The following BBS1 variants were observed in gnomAD, a reference collection of about 807,000 sequenced individuals.
BBS1 encodes the protein BBSome complex member BBS1.
Under a neutral mutation model 73.9 loss-of-function variants are expected in BBS1, and 60 were observed. The observed-to-expected ratio is 0.81, with a 90% CI of 0.66 to 1.01. The LOEUF is 1.01. Ranked by LOEUF, BBS1 falls within the 50% of genes least tolerant of loss-of-function variation. BBS1 has a pLI of 0.00. For missense variants in BBS1, 718 were observed against 770.3 expected (o/e 0.93, Z 0.80); for synonymous variants, 283 against 317.4 (o/e 0.89, Z 1.15).
At chr11:66,525,681 G>C (rs1182229326) in intron 11 of BBS1, among the ~76,000 whole-genome samples, 20 of 152,228 alleles carry the variant, frequency 1.3e-4, no homozygotes, top group Admixed American at 1.3e-3. Flanking sequence ...CCGGTGGTAT[G>C]CTCGTTGAAA....
intron 9 of BBS1, 124 bp from the exon 10 acceptor site, chr11:66,523,332 G>A: frequency 7.4e-7 from 1 of 1,357,866 alleles, no homozygotes; most frequent in Non-Finnish European, 1.1e-6. Context: ...AATAATCCCA[G>A]GGTCATCTGC....
At chr11:66,522,993 G>C (rs778722936) in intron 9 of BBS1, 74 of 373,044 alleles carry the variant, frequency 2.0e-4, no homozygotes, top group Non-Finnish European at 3.3e-4. Context: ...TCCTCGAATA[G>C]AGAGGAACTA....
At position 66,511,061 on chromosome 11, in the gene BBS1, C is replaced by CA; in HGVS notation, c.98dup (p.Asn33LysfsTer66). On this transcript the variant is annotated frameshift_variant, in exon 2 of 17. Coordinates refer to ENST00000318312, the MANE Select transcript of BBS1 (RefSeq NM_024649.5). LOFTEE classifies it high-confidence loss of function. ...TGGATGCGCACTACGACCCAATGGC[C>CA]AATATCCACACCTTTTCTGCCTGCC... 6.2e-7 allele frequency: 1 copy of CA among 1,614,144 alleles called. No individual in the cohort carries two copies. The highest frequency in any genetic ancestry group is 8.5e-7 in the Non-Finnish European group (1 of 1,180,034).
At chr11:66,515,508 A>G in intron 4 of BBS1, 32 bp from the exon 5 acceptor site, 1 of 1,613,420 alleles carries the variant, frequency 6.2e-7, no homozygotes, top group East Asian at 2.2e-5. Flanking sequence ...GCCTGGCTTG[A>G]GCTCACAGGC....
chr11:66,523,876 C>A lies in BBS1; in HGVS notation c.1104C>A (p.His368Gln). The change falls in exon 11 of 17, where the codon CAC (histidine) becomes CAA (glutamine). Residue 368 changes from histidine to glutamine, a missense_variant. Transcript: ENST00000318312. Reference protein sequence around the residue: ...YRDKALLNVIHTPDAVTSLCF... With the variant: ...YRDKALLNVIQTPDAVTSLCF... ...ACAAGGCCCTGCTCAATGTCATCCACACCCCGGTGAGCCCCATCTCCGGCA... is the reference window on the plus strand; with the variant it reads ...ACAAGGCCCTGCTCAATGTCATCCAAACCCCGGTGAGCCCCATCTCCGGCA... 6.2e-7 allele frequency: 1 copy of A among 1,613,190 alleles called. No individual in the cohort carries two copies. The highest frequency in any genetic ancestry group is 2.2e-5 in the East Asian group (1 of 44,892).
intron 3 of BBS1, among the ~76,000 whole-genome samples, chr11:66,512,072 A>ATGTG (rs1565280801): frequency 2.9e-4 from 43 of 146,798 alleles, no homozygotes; most frequent in South Asian, 1.3e-3. Context: ...ATGTATATAT[A>ATGTG]TATACATATA....
intron 1 of BBS1, 46 bp from the exon 2 acceptor site, chr11:66,510,967 C>G: frequency 2.5e-6 from 4 of 1,600,310 alleles, no homozygotes; most frequent in Non-Finnish European, 3.4e-6. Context: ...TTTTTTTTTC[C>G]CCTCCCATGG....
chr11:66,521,370 T>C lies in BBS1; in HGVS notation c.824T>C (p.Leu275Pro). The stretch of plus-strand genomic sequence containing the variant: ...TGCCGCAATGGAAACATCTATATTC[T>C]GAGAAGGTAGCCACATCCGTGGTCT... ...AACRNGNIYI[L>P]RRDSKHPKYC... Residue 275 changes from leucine to proline, a missense_variant, in exon 9 of 17, where the codon CTG becomes CCG. Leu to Pro is a moderately conservative substitution (Grantham distance 98). Transcript: ENST00000318312. 6.2e-7 allele frequency: 1 copy of C among 1,613,930 alleles called. No homozygotes were observed. The highest frequency in any genetic ancestry group is 8.5e-7 in the Non-Finnish European group (1 of 1,179,806).
intron 11 of BBS1, among the ~76,000 whole-genome samples, chr11:66,524,711 A>G (rs887522318): frequency 6.6e-6 from 1 of 152,222 alleles, no homozygotes; most frequent in Non-Finnish European, 1.5e-5. Flanking sequence ...TGAATCATTA[A>G]ATCAGTTTAG....
chr11:66,527,892 G>T (rs1191208221), intron 13 of BBS1, among the ~76,000 whole-genome samples: 1 of 152,052 alleles, frequency 6.6e-6, no homozygotes, highest in African/African-American at 2.4e-5. Flanking sequence ...CCCAGACAGG[G>T]CAGGGCAGGG....
Position 66,524,065 on chromosome 11 carries a change from A to G in BBS1, c.1110+183A>G, listed in dbSNP as rs552942256. On this transcript the variant is annotated intron_variant, in intron 11 of 16. Transcript: ENST00000318312. ...GAGGCCAAGGTGGGCAGATCACCTGAGGTAAGGAGTTCAAAACCAGCCTAG... is the reference window on the plus strand; with the variant it reads ...GAGGCCAAGGTGGGCAGATCACCTGGGGTAAGGAGTTCAAAACCAGCCTAG... The G allele has an allele frequency of 1.8e-4, 152 of 846,618 alleles. 3 individuals carry two copies. The South Asian group carries it at 2.1e-3, about 12-fold the overall frequency. 52.4% of individuals were successfully genotyped at this position (846,618 alleles called of 1,614,324 possible).
chr11:66,526,956 C>T, intron 13 of BBS1, 149 bp downstream of exon 13: 1 of 1,570,922 alleles, frequency 6.4e-7, no homozygotes. Flanking sequence ...CCAGGGACAG[C>T]CTAGGAGGTA....
chr11:66,511,660 A>G (rs1441800612), intron 3 of BBS1, among the ~76,000 whole-genome samples: 1 of 152,168 alleles, frequency 6.6e-6, no homozygotes, highest in Admixed American at 6.6e-5. Flanking sequence ...GGGACTCATT[A>G]TATGAGTCTC....
At chr11:66,530,808 A>G (rs577998449) in intron 14 of BBS1, 86 bp from the exon 15 acceptor site, 132 of 1,573,100 alleles carry the variant, frequency 8.4e-5, no homozygotes, top group Admixed American at 3.2e-4. Context: ...ACATGAGGGC[A>G]TTGGTGGAAG....
intron 15 of BBS1, 133 bp downstream of exon 15, chr11:66,531,161 C>T: frequency 1.6e-6 from 2 of 1,272,414 alleles, no homozygotes; most frequent in East Asian, 2.5e-5. Context: ...GACCTACTCT[C>T]CCACCACAGA....
intron 11 of BBS1, 44 bp from the exon 12 acceptor site, chr11:66,526,079 T>C (rs1856475635): frequency 1.3e-6 from 2 of 1,597,786 alleles, no homozygotes; most frequent in Admixed American, 3.3e-5. Flanking sequence ...CTTGCTTTCC[T>C]CTCCAAGATA....
At chr11:66,530,748 C>T (rs575606884) in intron 14 of BBS1, 146 bp from the exon 15 acceptor site, 1 of 1,209,432 alleles carries the variant, frequency 8.3e-7, no homozygotes, top group African/African-American at 1.5e-5. Context: ...TCCCTCTGCC[C>T]CTTCTGGTCT....
At chr11:66,515,451 C>G in intron 4 of BBS1, 89 bp from the exon 5 acceptor site, 1 of 1,410,530 alleles carries the variant, frequency 7.1e-7, no homozygotes, top group South Asian at 1.2e-5. Flanking sequence ...CCAAGAGGTA[C>G]CCCTAGAAGT....
intron 7 of BBS1, among the ~76,000 whole-genome samples, chr11:66,518,289 G>C (rs1249524906): frequency 6.9e-6 from 1 of 144,168 alleles, no homozygotes; most frequent in Non-Finnish European, 1.5e-5. Context: ...ACGGAGTCTC[G>C]CTCTGTCACC....
Sources: allele counts gnomAD v4.1 joint callset (sites outside exome capture counted in the v4.1 genomes callset), GRCh38; gene constraint gnomAD v4.1.1; transcripts MANE v1.5; gene names NCBI Gene and HGNC (gene_info 2026-07-23, HGNC 2026-07-21).